The following WWC1 variants were observed in gnomAD, a reference collection of about 807,000 sequenced individuals.
The protein encoded by WWC1 is WW and C2 domain containing 1, also known as protein KIBRA.
Under a neutral mutation model 138.4 loss-of-function variants are expected in WWC1, and 55 were observed. The observed-to-expected ratio is 0.40, with a 90% CI of 0.32 to 0.50. The LOEUF (loss-of-function observed/expected upper bound fraction) is 0.50. Ranked by LOEUF, WWC1 falls within the 20% of genes least tolerant of loss-of-function variation. The pLI, the probability that WWC1 is intolerant of heterozygous loss-of-function variation, is 0.72. For synonymous variants in WWC1, 524 were observed against 564.9 expected, an observed-to-expected ratio of 0.93 and a Z score of 1.03; for missense variants, 1,226 against 1,420.4, an observed-to-expected ratio of 0.86 and a Z score of 2.20.
chr5:168,324,813 G>A (rs1407447688), intron 1 of WWC1, among the ~76,000 whole-genome samples: 2 of 152,104 alleles, frequency 1.3e-5, no homozygotes, highest in African/African-American at 2.4e-5. Context: ...AAATACATAG[G>A]TTACAAGTAA....
chr5:168,399,405 G>C, intron 4 of WWC1, 83 bp from the exon 5 acceptor site: 1 of 1,465,872 alleles, frequency 6.8e-7, no homozygotes, highest in Non-Finnish European at 9.5e-7. Flanking sequence ...GGGAGGCTCT[G>C]GGTTCCCTTT....
chr5:168,296,857 G>A (rs1425057151), intron 1 of WWC1, among the ~76,000 whole-genome samples: 2 of 152,174 alleles, frequency 1.3e-5, no homozygotes, highest in African/African-American at 2.4e-5. Context: ...TGAGTTAGCT[G>A]CAGAATCAAG....
At chr5:168,437,779 C>T (rs1043363428) in intron 15 of WWC1, among the ~76,000 whole-genome samples, 3 of 152,170 alleles carry the variant, frequency 2.0e-5, no homozygotes, top group Non-Finnish European at 4.4e-5. Context: ...GGAGGTGTTA[C>T]ACCTCAAAGC....
chr5:168,333,024 TAAAAATG>T (rs1329686957), intron 1 of WWC1, among the ~76,000 whole-genome samples: 3 of 152,116 alleles, frequency 2.0e-5, no homozygotes, highest in Non-Finnish European at 4.4e-5. Context: ...TCACTTTTAT[TAAAAATG>T]GTGGGGGAAC....
chr5:168,312,680 T>C (rs1445206650), intron 1 of WWC1, among the ~76,000 whole-genome samples: 2 of 152,178 alleles, frequency 1.3e-5, no homozygotes, highest in Non-Finnish European at 2.9e-5. Context: ...TCATGAGAGA[T>C]GCTGAGTTGA....
At chr5:168,355,517 AAAC>A (rs1367953223) in intron 1 of WWC1, among the ~76,000 whole-genome samples, 1 of 151,518 alleles carries the variant, frequency 6.6e-6, no homozygotes, top group African/African-American at 2.4e-5. Flanking sequence ...AAAAAAAAAA[AAAC>A]AGCATTTCAA....
At chr5:168,321,041 C>T (rs1488145544) in intron 1 of WWC1, among the ~76,000 whole-genome samples, 1 of 152,162 alleles carries the variant, frequency 6.6e-6, no homozygotes, top group Admixed American at 6.5e-5. Context: ...TCTGTTGCTA[C>T]ATGGGTTACC....
intron 6 of WWC1, among the ~76,000 whole-genome samples, chr5:168,406,966 A>AAGAG (rs67125136): frequency 1.0e-4 from 15 of 150,738 alleles, no homozygotes; most frequent in South Asian, 4.2e-4. Context: ...TAAATAAATA[A>AAGAG]AGAGAGAGAG....
chr5:168,456,414 C>T (rs1319757562), intron 19 of WWC1, among the ~76,000 whole-genome samples: 1 of 152,196 alleles, frequency 6.6e-6, no homozygotes, highest in Non-Finnish European at 1.5e-5. Flanking sequence ...GGGCAAATCA[C>T]TTGAGGCCAG....
At chr5:168,457,382 A>G (rs924135708) in intron 19 of WWC1, among the ~76,000 whole-genome samples, 3 of 152,106 alleles carry the variant, frequency 2.0e-5, no homozygotes, top group Admixed American at 1.3e-4. Context: ...CACCCACAAG[A>G]TGAGCATTAC....
intron 1 of WWC1, among the ~76,000 whole-genome samples, chr5:168,329,708 T>C (rs1772864953): frequency 6.6e-6 from 1 of 152,208 alleles, no homozygotes; most frequent in Admixed American, 6.5e-5. Flanking sequence ...CTTCTTCTGC[T>C]GCCAGGGAGG....
chr5:168,399,818 T>C (rs1354068827), intron 5 of WWC1, among the ~76,000 whole-genome samples: 1 of 152,180 alleles, frequency 6.6e-6, no homozygotes, highest in Non-Finnish European at 1.5e-5. Flanking sequence ...CCTGAAGCCA[T>C]TAAGATTTGT....
chr5:168,315,447 G>A (rs1022337843), intron 1 of WWC1, among the ~76,000 whole-genome samples: 3 of 152,040 alleles, frequency 2.0e-5, no homozygotes, highest in Admixed American at 1.3e-4. Context: ...TGCCCGCTGC[G>A]CTCTGATACT....
At position 168,454,067 on chromosome 5, in the gene WWC1, C is replaced by G. The variant is rs773224398; in HGVS notation, c.2625C>G (p.Ala875=). Residue 875 remains alanine (A), a synonymous_variant, in exon 18 of 23, where the codon GCC becomes GCG. Coordinates refer to ENST00000265293, the MANE Select transcript of WWC1 (RefSeq NM_015238.3). ...EGEEDVFTEK[A]SPDMDGYPAL... ...AAGAGGATGTTTTCACCGAGAAAGC[C>G]TCACCTGATATGGATGGGTACCCAG... 1 of 1,613,330 alleles carries G rather than the reference C, an allele frequency of 6.2e-7. No homozygotes were observed. The highest frequency in any genetic ancestry group is 8.5e-7 in the Non-Finnish European group (1 of 1,179,920).
intron 1 of WWC1, among the ~76,000 whole-genome samples, chr5:168,353,831 G>A (rs1041091309): frequency 1.3e-5 from 2 of 152,150 alleles, no homozygotes; most frequent in African/African-American, 4.8e-5. Flanking sequence ...CAGCATGCAC[G>A]GATTTCACCT....
At chr5:168,340,790 A>G (rs1184391996) in intron 1 of WWC1, among the ~76,000 whole-genome samples, 4 of 152,236 alleles carry the variant, frequency 2.6e-5, no homozygotes, top group African/African-American at 4.8e-5. Context: ...GAATGCTGCT[A>G]TGAACATTCA....
Position 168,430,179 on chromosome 5 carries a change from G to C in WWC1, c.2043G>C (p.Gln681His), listed in dbSNP as rs1259551893. Residue 681 changes from glutamine (Q) to histidine (H), a missense_variant, in exon 14 of 23, where the codon CAG becomes CAC. Around this residue, in one of 3 missense-constraint regions of WWC1, gnomAD observed 1,016 missense variants for 1,153.9 expected, o/e 0.88. Coordinates refer to ENST00000265293, the MANE Select transcript of WWC1 (RefSeq NM_015238.3). ...AGCAATTTGCAATATTAATCATCCA[G>C]CTGAGTAACCTTTCTGCTCTGTTGC... ...KNKQFAILII[Q>H]LSNLSALLQQ... 6.2e-7 allele frequency: 1 copy of C among 1,614,124 alleles called. No homozygotes were observed. The highest frequency in any genetic ancestry group is 1.7e-5 in the Admixed American group (1 of 60,032).
At chr5:168,327,955 G>T (rs544943799) in intron 1 of WWC1, among the ~76,000 whole-genome samples, 1 of 152,182 alleles carries the variant, frequency 6.6e-6, no homozygotes, top group Non-Finnish European at 1.5e-5. Flanking sequence ...GAGCATGTGG[G>T]TGGATGTGGA....
intron 8 of WWC1, among the ~76,000 whole-genome samples, chr5:168,410,601 G>A (rs571346957): frequency 4.2e-4 from 64 of 152,194 alleles, no homozygotes; most frequent in Admixed American, 4.1e-3. Flanking sequence ...ACAGGGTCTC[G>A]CTATGTTACT....
Sources: gnomAD v4.1 joint callset for allele counts (sites outside exome capture counted in the v4.1 genomes callset) on GRCh38, gnomAD v4.1.1 for gene constraint, gnomAD v4.1.1 regional missense constraint, MANE v1.5 for transcripts, NCBI Gene and HGNC (gene_info 2026-07-23, HGNC 2026-07-21) for gene names.